Variants in RBPJ observed in about 807,000 individuals in gnomAD.
RBPJ encodes the protein recombination signal binding protein for immunoglobulin kappa J region, also known as recombining binding protein suppressor of hairless.
Under a neutral mutation model 67.8 loss-of-function variants are expected in RBPJ, and 9 were observed. That is an observed-to-expected ratio of 0.13 (90% CI 0.08 to 0.23). The LOEUF is 0.23. RBPJ is among the 10% of genes least tolerant of loss of function. The pLI, the probability that RBPJ is intolerant of heterozygous loss-of-function variation, is 1.00. For missense variants in RBPJ, 305 were observed against 595.6 expected (o/e 0.51, Z 5.08); for synonymous variants, 198 against 203.3 (o/e 0.97, Z 0.22).
intron 1 of RBPJ, among the ~76,000 whole-genome samples, chr4:26,234,486 T>C (rs1360004457): frequency 6.6e-6 from 1 of 152,152 alleles, no homozygotes; most frequent in South Asian, 2.1e-4. Flanking sequence ...TTCCCCCAGA[T>C]AACCACAGGC....
At chr4:26,214,756 AAG>A (rs1346929066) in intron 1 of RBPJ, among the ~76,000 whole-genome samples, 1 of 56,998 alleles carries the variant, frequency 1.8e-5, no homozygotes, top group Non-Finnish European at 3.2e-5. Flanking sequence ...GAAAGAGAAA[AAG>A]AGAGAAAAAA....
At position 26,232,612 on chromosome 4, in the gene RBPJ, C is replaced by G. The variant is rs142113071; in HGVS notation, c.-167+68998C>G. On this transcript the variant is annotated intron_variant, in intron 1 of 4. Transcript: ENST00000512351. Reference sequence around the variant, plus strand: ...GTGGAGCAATCTGTAACAGAATGTTCTTAAGTGTAAGAACAAACACATCTC... The same window carrying G: ...GTGGAGCAATCTGTAACAGAATGTTGTTAAGTGTAAGAACAAACACATCTC... Among the ~76,000 whole-genome samples the G allele has an allele frequency of 1.2e-4, 19 of 152,316 alleles. No individual in the cohort carries two copies. In the East Asian group the frequency reaches 2.3e-3, roughly 19 times the overall value.
chr4:26,197,471 A>C (rs1717810391), intron 1 of RBPJ, among the ~76,000 whole-genome samples: 1 of 152,202 alleles, frequency 6.6e-6, no homozygotes, highest in Non-Finnish European at 1.5e-5. Flanking sequence ...GAGCCAGCTC[A>C]AGGTGAGTCA....
intron 1 of RBPJ, among the ~76,000 whole-genome samples, chr4:26,327,578 T>A: frequency 1.4e-5 from 2 of 145,078 alleles, no homozygotes; most frequent in Admixed American, 7.0e-5. Context: ...TATTCAGTAG[T>A]CTTAGCCTAA....
chr4:26,182,377 C>G (rs1445899609), intron 1 of RBPJ, among the ~76,000 whole-genome samples: 1 of 152,088 alleles, frequency 6.6e-6, no homozygotes, highest in African/African-American at 2.4e-5. Context: ...AAATTTTTGA[C>G]TCTTTCGTAA....
intron 1 of RBPJ, among the ~76,000 whole-genome samples, chr4:26,229,753 T>C (rs928128595): frequency 6.6e-6 from 1 of 152,032 alleles, no homozygotes; most frequent in Admixed American, 6.6e-5. Flanking sequence ...AAGACGATAA[T>C]AGTAGGATGA....
the RBPJ span, among the ~76,000 whole-genome samples, chr4:26,124,731 A>G: frequency 6.6e-6 from 1 of 151,804 alleles, no homozygotes; most frequent in Non-Finnish European, 1.5e-5. Flanking sequence ...CGTTTACCGC[A>G]TCTGTATGTG....
intron 1 of RBPJ, among the ~76,000 whole-genome samples, chr4:26,358,357 AGT>A (rs1727630621): frequency 6.6e-6 from 1 of 152,100 alleles, no homozygotes; most frequent in African/African-American, 2.4e-5. Flanking sequence ...ACCATAAGGA[AGT>A]GTAATAGGCA....
chr4:26,190,967 G>A (rs928449121), intron 1 of RBPJ, among the ~76,000 whole-genome samples: 2 of 151,026 alleles, frequency 1.3e-5, no homozygotes, highest in African/African-American at 2.4e-5. Context: ...GCAACATACC[G>A]AGACCTCGTC....
At chr4:26,129,922 C>T in the RBPJ span, among the ~76,000 whole-genome samples, 847 of 152,140 alleles carry the variant, frequency 5.6e-3, 4 homozygotes, top group African/African-American at 0.012. Flanking sequence ...GGTGCAGCAG[C>T]GCCATCTCAG....
chr4:26,188,887 A>G (rs1325378185), intron 1 of RBPJ, among the ~76,000 whole-genome samples: 1 of 152,238 alleles, frequency 6.6e-6, no homozygotes, highest in Non-Finnish European at 1.5e-5. Context: ...AATTAATTTT[A>G]TAAGTATTAA....
intron 1 of RBPJ, chr4:26,322,769 G>C (rs1723222085): frequency 6.6e-6 from 1 of 151,716 alleles, no homozygotes; most frequent in African/African-American, 2.4e-5. Context: ...TTATTGTTTT[G>C]GTAATGCTAA....
intron 1 of RBPJ, among the ~76,000 whole-genome samples, chr4:26,199,703 C>T (rs1717914042): frequency 6.6e-6 from 1 of 152,184 alleles, no homozygotes; most frequent in African/African-American, 2.4e-5. Flanking sequence ...AGATTTGCCC[C>T]TTTCAAAAAC....
the RBPJ span, among the ~76,000 whole-genome samples, chr4:26,126,064 T>C: frequency 1.3e-5 from 2 of 152,080 alleles, no homozygotes. Context: ...TAAGAATTGC[T>C]TTAAAAAAAA....
intron 1 of RBPJ, among the ~76,000 whole-genome samples, chr4:26,207,640 A>T (rs1718215962): frequency 6.6e-6 from 1 of 152,228 alleles, no homozygotes; most frequent in South Asian, 2.1e-4. Context: ...CACTTGGGGT[A>T]CATCCCTGAA....
rs991892574 is a variant in RBPJ, at chr4:26,396,409, G to A, written c.60-9766G>A. Among the ~76,000 whole-genome samples the A allele has an allele frequency of 3.3e-5, 5 of 152,210 alleles. No individual in the cohort carries two copies. In the East Asian group the frequency reaches 5.8e-4, roughly 18 times the overall value. ...CTATGCGGTCTGATCCCTGGGATTCGAAGAGTTAAGTTTGCATCAACCAGG... is the reference window on the plus strand; with the variant it reads ...CTATGCGGTCTGATCCCTGGGATTCAAAGAGTTAAGTTTGCATCAACCAGG... On this transcript the variant is annotated intron_variant, in intron 2 of 10. Transcript: ENST00000355476.
At chr4:26,299,002 G>A (rs890242027) in intron 1 of RBPJ, among the ~76,000 whole-genome samples, 1 of 152,118 alleles carries the variant, frequency 6.6e-6, no homozygotes, top group Admixed American at 6.5e-5. Context: ...TCGTACCTCC[G>A]AAAATGCACG....
chr4:26,232,983 A>G (rs566743411), intron 1 of RBPJ, among the ~76,000 whole-genome samples: 2 of 152,246 alleles, frequency 1.3e-5, no homozygotes, highest in Non-Finnish European at 2.9e-5. Context: ...AAAGAAGTAA[A>G]GTTCAAAAAG....
At chr4:26,179,554 CAT>C (rs1254998847) in intron 1 of RBPJ, among the ~76,000 whole-genome samples, 2 of 151,888 alleles carry the variant, frequency 1.3e-5, no homozygotes, top group African/African-American at 2.4e-5. Context: ...GGACAACAAA[CAT>C]ATGAAAAAAT....
Sources: gnomAD v4.1 joint callset for allele counts (sites outside exome capture counted in the v4.1 genomes callset) on GRCh38, gnomAD v4.1.1 for gene constraint, MANE v1.5 for transcripts, NCBI Gene and HGNC (gene_info 2026-07-23, HGNC 2026-07-21) for gene names.